The following KCMF1 variants were observed in gnomAD, a reference collection of about 807,000 sequenced individuals.
The protein encoded by KCMF1 is E3 ubiquitin-protein ligase KCMF1.
In KCMF1, 3 loss-of-function variants were observed where a neutral mutation model predicts 41.1. That is an observed-to-expected ratio of 0.07 (90% CI 0.03 to 0.19). KCMF1 has a LOEUF of 0.19. Among genes scored for constraint, KCMF1 ranks in the 10% least tolerant of loss-of-function variants. The pLI is 1.00. For missense variants in KCMF1, 286 were observed against 488.9 expected (o/e 0.58, Z 3.91); for synonymous variants, 142 against 164.5 (o/e 0.86, Z 1.04).
intron 1 of KCMF1, among the ~76,000 whole-genome samples, chr2:84,984,023 A>T (rs1307391487): frequency 6.6e-6 from 1 of 152,186 alleles, no homozygotes; most frequent in African/African-American, 2.4e-5. Flanking sequence ...CCTCAGTTGA[A>T]AAACATATTC....
chr2:85,019,999 T>C (rs193026008), intron 1 of KCMF1, among the ~76,000 whole-genome samples: 19 of 152,260 alleles, frequency 1.2e-4, no homozygotes, highest in African/African-American at 4.3e-4. Context: ...TACGGAACTC[T>C]AGCTGGGTTT....
intron 1 of KCMF1, among the ~76,000 whole-genome samples, chr2:85,013,013 G>A (rs531194366): frequency 3.9e-5 from 6 of 152,274 alleles, no homozygotes; most frequent in South Asian, 2.1e-4. Flanking sequence ...GTGTCTTAGC[G>A]AGGATTTCAG....
At chr2:84,998,892 A>G (rs866913585) in intron 1 of KCMF1, among the ~76,000 whole-genome samples, 3 of 151,458 alleles carry the variant, frequency 2.0e-5, no homozygotes, top group Non-Finnish European at 2.9e-5. Context: ...GATTACAGCT[A>G]TGACCCACTG....
At chr2:84,980,178 G>A (rs1673669954) in intron 1 of KCMF1, among the ~76,000 whole-genome samples, 1 of 152,064 alleles carries the variant, frequency 6.6e-6, no homozygotes, top group Admixed American at 6.5e-5. Flanking sequence ...TTAAAGATCT[G>A]GGATAAGGCA....
rs866485034 is a variant in KCMF1, at chr2:85,056,390, G to C, written c.*2981G>C. ...CACCAAGGCTTTTGTGTTTTTTTCC[G>C]GTCTGTGGGCCACAGTTAAAAGAAC... On this transcript the variant is annotated 3_prime_UTR_variant, in exon 7 of 7. Transcript: ENST00000409785. 5.3e-4 allele frequency: 80 copies of C among 151,954 alleles called. No homozygotes were observed. In the East Asian group the frequency reaches 9.9e-3, roughly 19 times the overall value. 9.4% of individuals were successfully genotyped at this position (151,954 alleles called of 1,614,324 possible).
rs1312454172 is a variant in KCMF1, at chr2:85,039,424, C to T, written c.325-4140C>T. Among the ~76,000 whole-genome samples, 4 of 152,080 alleles carry T rather than the reference C, an allele frequency of 2.6e-5. No homozygotes were observed. The East Asian group carries it at 7.7e-4, about 29-fold the overall frequency. ...ATTGTATGGGGAAAAATGTGTGGAG[C>T]TGTTGTTTTTAAAAAAAAAATCAGG... On this transcript the variant is annotated intron_variant, in intron 3 of 6. Transcript: ENST00000409785.
Position 85,053,660 on chromosome 2 carries a change from C to A in KCMF1, c.*251C>A. On this transcript the variant is annotated 3_prime_UTR_variant, in exon 7 of 7. Coordinates refer to ENST00000409785, the MANE Select transcript of KCMF1 (RefSeq NM_020122.5). The stretch of plus-strand genomic sequence containing the variant: ...TTCCTGTACCTTGACATGCAAAAGG[C>A]TCTCCTAATACTCCACATTCAAACT... The A allele has an allele frequency of 2.4e-6, 1 of 421,062 alleles. No individual in the cohort carries two copies. Among genetic ancestry groups the A allele is most frequent in the Non-Finnish European group, 4.3e-6 (1 of 235,220 alleles). 26.1% of individuals were successfully genotyped at this position (421,062 alleles called of 1,614,324 possible). A position where few individuals can be genotyped will look rare whatever the true frequency, so the allele number is the denominator to read the frequency against.
chr2:84,986,807 G>A (rs932664833), intron 1 of KCMF1, among the ~76,000 whole-genome samples: 2 of 151,990 alleles, frequency 1.3e-5, no homozygotes, highest in Non-Finnish European at 2.9e-5. Context: ...GCTTGAACCC[G>A]AGAGGTGGAG....
chr2:84,981,865 C>T (rs865989151), intron 1 of KCMF1, among the ~76,000 whole-genome samples: 10 of 152,022 alleles, frequency 6.6e-5, no homozygotes, highest in South Asian at 2.1e-4. Flanking sequence ...CTGCAGCCTC[C>T]GCCTCCTGGG....
intron 3 of KCMF1, among the ~76,000 whole-genome samples, chr2:85,039,114 A>G (rs1675466712): frequency 6.6e-6 from 1 of 152,234 alleles, no homozygotes; most frequent in Non-Finnish European, 1.5e-5. Flanking sequence ...GTTTTAAACT[A>G]AAGTGTTAAG....
chr2:84,978,388 A>G (rs752173285), intron 1 of KCMF1, among the ~76,000 whole-genome samples: 8 of 152,178 alleles, frequency 5.3e-5, no homozygotes, highest in Admixed American at 2.6e-4. Flanking sequence ...CTTCATATTA[A>G]GCTTTGCAAC....
In KCMF1 at chr2:85,055,902, G is replaced by C. The variant is rs141729174; in HGVS notation, c.*2493G>C. On this transcript the variant is annotated 3_prime_UTR_variant, in exon 7 of 7. Coordinates refer to ENST00000409785, the MANE Select transcript of KCMF1 (RefSeq NM_020122.5). ...GTTTCGTTGAGTTTTGAGTGTCTAG[G>C]ATATAAGTTTATAAATGTTCTACAG... 1.2e-4 allele frequency: 19 copies of C among 152,162 alleles called. No individual in the cohort carries two copies. The East Asian group carries it at 3.7e-3, about 29-fold the overall frequency. The allele number at this position is 152,162 out of a possible 1,614,324, so 9.4% of individuals were successfully genotyped here. A position where few individuals can be genotyped will look rare whatever the true frequency, so the allele number is the denominator to read the frequency against.
At position 85,049,498 on chromosome 2, in the gene KCMF1, G is replaced by A. The variant is rs1675755173; in HGVS notation, c.734G>A (p.Arg245Gln). ...GAACGGCAGCATGCCCAGGCAGCACGGCAACAACTGGAGACCGCACGCAAC... is the reference window on the plus strand; with the variant it reads ...GAACGGCAGCATGCCCAGGCAGCACAGCAACAACTGGAGACCGCACGCAAC... Reference protein sequence around the residue: ...QLERQHAQAARQQLETARNAT... With the variant: ...QLERQHAQAAQQQLETARNAT... The change falls in exon 6 of 7, where the codon CGG becomes CAG. Residue 245 changes from arginine to glutamine, a missense_variant. By Grantham distance (43) the Arg-to-Gln change is conservative. This residue lies in a region of KCMF1 where 191 missense variants were observed against 279.3 expected (regional missense o/e 0.68). Coordinates refer to ENST00000409785, the MANE Select transcript of KCMF1 (RefSeq NM_020122.5). 3.1e-6 allele frequency: 5 copies of A among 1,613,876 alleles called. No homozygotes were observed. The highest frequency in any genetic ancestry group is 1.7e-5 in the Admixed American group (1 of 60,006).
intron 1 of KCMF1, among the ~76,000 whole-genome samples, chr2:85,020,557 T>A (rs191358461): frequency 1.9e-4 from 29 of 151,982 alleles, no homozygotes; most frequent in African/African-American, 7.0e-4. Context: ...ACCTGAGAAG[T>A]AGGGACTACA....
At chr2:85,033,963 A>C (rs1018924965) in intron 2 of KCMF1, among the ~76,000 whole-genome samples, 1 of 151,354 alleles carries the variant, frequency 6.6e-6, no homozygotes, top group African/African-American at 2.4e-5. Context: ...TGGGAGGATG[A>C]CTTGAGCCTA....
chr2:85,039,554 A>T (rs1334585999), intron 3 of KCMF1, among the ~76,000 whole-genome samples: 1 of 152,194 alleles, frequency 6.6e-6, no homozygotes, highest in African/African-American at 2.4e-5. Flanking sequence ...TTTTAAAGAC[A>T]TTGGCAACAA....
In KCMF1 at chr2:85,053,309, C is replaced by A; in HGVS notation, c.1046C>A (p.Ala349Asp). The A allele has an allele frequency of 1.2e-6, 2 of 1,613,808 alleles. No individual in the cohort carries two copies. Among genetic ancestry groups the A allele is most frequent in the Non-Finnish European group, 1.7e-6 (2 of 1,179,860 alleles). ...CGGGGGGAGATGGCAGATTTTGGTGCTATGGGCTGTGTAGATATTATGCCT... is the reference window on the plus strand; with the variant it reads ...CGGGGGGAGATGGCAGATTTTGGTGATATGGGCTGTGTAGATATTATGCCT... The part of the protein sequence containing the change: ...DDRGEMADFG[A>D]MGCVDIMPLD... Residue 349 changes from alanine to aspartate, a missense_variant, in exon 7 of 7, where the codon GCT (alanine) becomes GAT (aspartate). Ala to Asp is a moderately radical substitution (Grantham distance 126, BLOSUM62 -2). Transcript: ENST00000409785.
At chr2:84,999,746 C>T (rs955657618) in intron 1 of KCMF1, among the ~76,000 whole-genome samples, 3 of 152,096 alleles carry the variant, frequency 2.0e-5, no homozygotes, top group African/African-American at 7.2e-5. Flanking sequence ...GTAGGGATAA[C>T]ATAAGACAAA....
chr2:84,995,881 C>G (rs1297320932), intron 1 of KCMF1, among the ~76,000 whole-genome samples: 1 of 152,116 alleles, frequency 6.6e-6, no homozygotes, highest in Non-Finnish European at 1.5e-5. Context: ...TGATAATATG[C>G]CTTTCAAGAT....
Sources: gnomAD v4.1 joint callset for allele counts (sites outside exome capture counted in the v4.1 genomes callset) on GRCh38, gnomAD v4.1.1 for gene constraint, gnomAD v4.1.1 regional missense constraint, MANE v1.5 for transcripts, NCBI Gene and HGNC (gene_info 2026-07-23, HGNC 2026-07-21) for gene names.